Variants in TANC1 observed in about 807,000 individuals in gnomAD.
TANC1 encodes protein TANC1.
A neutral mutation model predicts 149.7 loss-of-function variants in TANC1; 77 were observed. That is an observed-to-expected ratio of 0.51 (90% CI 0.43 to 0.62). The LOEUF is 0.62. Ranked by LOEUF, TANC1 falls within the 20% of genes least tolerant of loss-of-function variation. The pLI is 0.00. For synonymous variants in TANC1, 854 were observed against 925.0 expected (o/e 0.92, Z 1.39); for missense variants, 1,985 against 2,321.8 (o/e 0.85, Z 2.98).
intron 15 of TANC1, 99 bp downstream of exon 15, chr2:159,185,998 T>C (rs1303712691): frequency 1.2e-6 from 1 of 847,644 alleles, no homozygotes; most frequent in Non-Finnish European, 1.9e-6. Flanking sequence ...CAAGAAACGC[T>C]CCATGCACCT....
intron 5 of TANC1, among the ~76,000 whole-genome samples, chr2:159,139,624 A>G (rs1045470556): frequency 6.6e-6 from 1 of 152,218 alleles, no homozygotes; most frequent in African/African-American, 2.4e-5. Flanking sequence ...TACTAGGGCA[A>G]GTTTTGAGGA....
intron 16 of TANC1, 42 bp downstream of exon 16, chr2:159,187,066 G>A (rs1163909483): frequency 6.2e-7 from 1 of 1,606,762 alleles, no homozygotes; most frequent in African/African-American, 1.3e-5. Flanking sequence ...CCCAGCCCTG[G>A]CCGGCTGCTG....
chr2:159,143,554 A>C (rs1279034399), intron 5 of TANC1, among the ~76,000 whole-genome samples: 1 of 3,192 alleles, frequency 3.1e-4, no homozygotes, highest in Non-Finnish European at 1.1e-3. Flanking sequence ...CCCATCTCAA[A>C]AAAAAAAAAA....
chr2:159,163,869 C>T (rs779432017), intron 8 of TANC1, among the ~76,000 whole-genome samples: 2 of 152,026 alleles, frequency 1.3e-5, no homozygotes, highest in Non-Finnish European at 2.9e-5. Context: ...TGTTTATTAC[C>T]TCCTGGTAAA....
At chr2:159,179,813 G>A (rs971064306) in intron 14 of TANC1, among the ~76,000 whole-genome samples, 9 of 152,218 alleles carry the variant, frequency 5.9e-5, no homozygotes, top group African/African-American at 2.2e-4. Flanking sequence ...AAGCCTGTCT[G>A]CTGTGTGGCT....
At chr2:159,101,662 T>G (rs2149952063) in intron 4 of TANC1, among the ~76,000 whole-genome samples, 1 of 152,314 alleles carries the variant, frequency 6.6e-6, no homozygotes, top group Non-Finnish European at 1.5e-5. Context: ...CTTTTTGGAT[T>G]AAGAATTCAT....
In TANC1 at chr2:159,043,496, T is replaced by G. The variant is rs554889848; in HGVS notation, c.-15-22400T>G. 3.9e-5 allele frequency among the ~76,000 whole-genome samples: 6 copies of G among 152,322 alleles called. No homozygotes were observed. In the South Asian group the frequency reaches 1.2e-3, roughly 32 times the overall value. On this transcript the variant is annotated intron_variant, in intron 2 of 26. Transcript: ENST00000263635. ...GGCTCTGAAAGTAAATCAGATTTCT[T>G]CAAAGAAACTTAAAGTAAATCATTA...
intron 16 of TANC1, among the ~76,000 whole-genome samples, chr2:159,188,817 A>C (rs992344180): frequency 6.6e-6 from 1 of 152,166 alleles, no homozygotes; most frequent in African/African-American, 2.4e-5. Flanking sequence ...TCCTGTTTTC[A>C]TTAAATCCAG....
At chr2:159,038,515 A>AT (rs2040382520) in intron 2 of TANC1, among the ~76,000 whole-genome samples, 1 of 152,180 alleles carries the variant, frequency 6.6e-6, no homozygotes, top group African/African-American at 2.4e-5. Context: ...TATTATTTTG[A>AT]GATACATCCC....
intron 23 of TANC1, chr2:159,225,316 C>T (rs1251273416): frequency 6.1e-6 from 2 of 329,042 alleles, no homozygotes; most frequent in East Asian, 8.1e-5. Flanking sequence ...GATGACACAG[C>T]ACAGGGACTG....
At chr2:159,229,365 G>A (rs563999380) in intron 26 of TANC1, among the ~76,000 whole-genome samples, 2 of 152,188 alleles carry the variant, frequency 1.3e-5, no homozygotes, top group South Asian at 2.1e-4. Context: ...TGGAGAGCAG[G>A]GCTGTAGAGT....
In TANC1 at chr2:159,229,706, A is replaced by G. The variant is rs1285252801; in HGVS notation, c.4280A>G (p.Lys1427Arg). 1 of 1,613,972 alleles carries G rather than the reference A, an allele frequency of 6.2e-7. No individual in the cohort carries two copies. The highest frequency in any genetic ancestry group is 1.1e-5 in the South Asian group (1 of 91,070). ...CAACTCCAGAGGAGTCAACAGCAAAAACAGCAGGGCCCGCTACCAGCTCCA... is the reference window on the plus strand; with the variant it reads ...CAACTCCAGAGGAGTCAACAGCAAAGACAGCAGGGCCCGCTACCAGCTCCA... ...CKQLQRSQQQ[K>R]QQGPLPAPLN... The change falls in exon 27 of 27, where the codon AAA becomes AGA. Residue 1427 changes from lysine (K) to arginine (R), a missense_variant. This residue lies in a region of TANC1 where 920 missense variants were observed against 994.7 expected (regional missense o/e 0.92). Coordinates refer to ENST00000263635, the MANE Select transcript of TANC1 (RefSeq NM_033394.3).
At chr2:159,059,914 GT>G in intron 2 of TANC1, among the ~76,000 whole-genome samples, 1 of 124,422 alleles carries the variant, frequency 8.0e-6, no homozygotes, top group African/African-American at 3.8e-5. Context: ...GTGTGTGTGT[GT>G]GTGTGTGTGT....
At chr2:159,062,973 C>CCAAAAAAAAAAAAAAAAAA (rs770866772) in intron 2 of TANC1, among the ~76,000 whole-genome samples, 4 of 41,216 alleles carry the variant, frequency 9.7e-5, no homozygotes, top group Non-Finnish European at 2.1e-4. Context: ...GACTCCGTCT[C>CCAAAAAAAAAAAAAAAAAA]AAAAAAAAAA....
intron 3 of TANC1, among the ~76,000 whole-genome samples, chr2:159,072,771 A>T (rs1016363404): frequency 2.4e-5 from 3 of 122,450 alleles, no homozygotes; most frequent in Non-Finnish European, 5.0e-5. Flanking sequence ...TATAATAATT[A>T]AAAAAAAAAA....
intron 4 of TANC1, among the ~76,000 whole-genome samples, chr2:159,133,348 T>TC (rs1280936788): frequency 6.8e-5 from 7 of 103,652 alleles, no homozygotes; most frequent in Non-Finnish European, 1.5e-4. Context: ...TGGTTCCTTT[T>TC]TTTTTTTTTT....
intron 2 of TANC1, among the ~76,000 whole-genome samples, chr2:159,050,364 T>C (rs1294554947): frequency 6.6e-6 from 1 of 152,122 alleles, no homozygotes; most frequent in African/African-American, 2.4e-5. Flanking sequence ...TGATTACAGG[T>C]GTGAGCCACC....
chr2:158,984,318 T>C (rs2149242445), intron 1 of TANC1, among the ~76,000 whole-genome samples: 1 of 152,318 alleles, frequency 6.6e-6, no homozygotes, highest in Non-Finnish European at 1.5e-5. Flanking sequence ...AGATGCCATT[T>C]CTAGGACAGT....
chr2:159,212,244 C>T (rs968758080), intron 19 of TANC1, among the ~76,000 whole-genome samples: 1 of 152,230 alleles, frequency 6.6e-6, no homozygotes, highest in Non-Finnish European at 1.5e-5. Context: ...GGCCCTGCCT[C>T]TGCGTGGAGC....
Sources: gnomAD v4.1 joint callset for allele counts (sites outside exome capture counted in the v4.1 genomes callset) on GRCh38, gnomAD v4.1.1 for gene constraint, gnomAD v4.1.1 regional missense constraint, MANE v1.5 for transcripts, NCBI Gene and HGNC (gene_info 2026-07-23, HGNC 2026-07-21) for gene names.